BMPR1B: variants seen among roughly 807,000 people sequenced by gnomAD.
The protein encoded by BMPR1B is bone morphogenetic protein receptor type-1B.
Under a neutral mutation model 59.1 loss-of-function variants are expected in BMPR1B, and 12 were observed. The ratio of observed to expected loss-of-function variants is 0.20; its 90% CI spans 0.13 to 0.33. The LOEUF (loss-of-function observed/expected upper bound fraction) is 0.33. BMPR1B is among the 10% of genes least tolerant of loss of function. BMPR1B has a pLI of 1.00. For missense variants in BMPR1B, 550 were observed against 610.9 expected, an observed-to-expected ratio of 0.90 and a Z score of 1.05; for synonymous variants, 237 against 207.3, an observed-to-expected ratio of 1.14 and a Z score of -1.23.
chr4:94,780,682 CTTTTT>C (rs869117575), intron 1 of BMPR1B, among the ~76,000 whole-genome samples: 1 of 82,342 alleles, frequency 1.2e-5, no homozygotes. Flanking sequence ...GTATTATTGT[CTTTTT>C]TTTTTTTTTT....
chr4:94,966,115 T>C (rs1244958916), intron 2 of BMPR1B, among the ~76,000 whole-genome samples: 1 of 152,210 alleles, frequency 6.6e-6, no homozygotes, highest in Non-Finnish European at 1.5e-5. Flanking sequence ...TATGCCATGT[T>C]GTATCTTTCT....
chr4:94,855,160 ATTAT>A (rs1725707145), intron 1 of BMPR1B, among the ~76,000 whole-genome samples: 1 of 152,104 alleles, frequency 6.6e-6, no homozygotes, highest in Non-Finnish European at 1.5e-5. Flanking sequence ...TCATATTGAG[ATTAT>A]TTTATTTTAT....
At chr4:95,143,068 C>T (rs1290263330) in intron 10 of BMPR1B, among the ~76,000 whole-genome samples, 1 of 152,056 alleles carries the variant, frequency 6.6e-6, no homozygotes, top group East Asian at 1.9e-4. Flanking sequence ...TTTCATTCTC[C>T]AACCTGCTCA....
chr4:94,990,437 C>G (rs775894724), intron 2 of BMPR1B, among the ~76,000 whole-genome samples: 1 of 152,128 alleles, frequency 6.6e-6, no homozygotes, highest in Non-Finnish European at 1.5e-5. Context: ...AAAGTGGAAA[C>G]CAACCCAAAT....
At chr4:94,926,026 T>G (rs1728872730) in intron 2 of BMPR1B, among the ~76,000 whole-genome samples, 1 of 126,164 alleles carries the variant, frequency 7.9e-6, no homozygotes, top group African/African-American at 3.1e-5. Flanking sequence ...TTCCCTTTTG[T>G]CCTTTCCTTC....
At chr4:94,951,115 A>G (rs1729917255) in intron 2 of BMPR1B, among the ~76,000 whole-genome samples, 1 of 152,166 alleles carries the variant, frequency 6.6e-6, no homozygotes, top group African/African-American at 2.4e-5. Flanking sequence ...ATTATTGCAT[A>G]TTAATTTTGT....
At chr4:95,088,905 T>C (rs1729782094) in intron 3 of BMPR1B, among the ~76,000 whole-genome samples, 1 of 152,098 alleles carries the variant, frequency 6.6e-6, no homozygotes, top group Non-Finnish European at 1.5e-5. Context: ...ACATAGAAGA[T>C]AGAGGATTCT....
At chr4:94,969,171 A>G (rs761673317) in intron 2 of BMPR1B, among the ~76,000 whole-genome samples, 17 of 151,900 alleles carry the variant, frequency 1.1e-4, no homozygotes, top group Non-Finnish European at 2.4e-4. Context: ...AGTAGCTGGG[A>G]CTACATGTGC....
At chr4:95,100,294 T>C (rs1350378787) in intron 3 of BMPR1B, among the ~76,000 whole-genome samples, 1 of 152,102 alleles carries the variant, frequency 6.6e-6, no homozygotes, top group Non-Finnish European at 1.5e-5. Context: ...ATTAAAATGC[T>C]TTTTTTCCCC....
At chr4:94,893,837 G>T (rs568111059) in intron 2 of BMPR1B, among the ~76,000 whole-genome samples, 1 of 152,146 alleles carries the variant, frequency 6.6e-6, no homozygotes, top group South Asian at 2.1e-4. Flanking sequence ...CTGCGTGGCA[G>T]TGTTTGAAAT....
chr4:94,916,017 G>A (rs968000889), intron 2 of BMPR1B, among the ~76,000 whole-genome samples: 4 of 152,138 alleles, frequency 2.6e-5, no homozygotes, highest in African/African-American at 9.7e-5. Flanking sequence ...TTTGCCATCA[G>A]TAAAAGCTCC....
At chr4:94,764,201 C>T (rs1354353430) in intron 1 of BMPR1B, among the ~76,000 whole-genome samples, 2 of 152,120 alleles carry the variant, frequency 1.3e-5, no homozygotes, top group African/African-American at 2.4e-5. Flanking sequence ...ATGCTGTCTG[C>T]AGGGAAAATA....
At chr4:95,103,430 T>C (rs922414925) in intron 3 of BMPR1B, 1 of 984,644 alleles carries the variant, frequency 1.0e-6, no homozygotes, top group Non-Finnish European at 1.2e-6. Context: ...ATGAGAGAGA[T>C]TTTAAATTGA....
At chr4:95,132,531 C>G (rs931962071) in intron 10 of BMPR1B, among the ~76,000 whole-genome samples, 2 of 152,022 alleles carry the variant, frequency 1.3e-5, no homozygotes, top group African/African-American at 4.8e-5. Flanking sequence ...AAAAACAAAG[C>G]AAGAGGAAAT....
chr4:95,074,400 C>A (rs1728545867), intron 3 of BMPR1B, among the ~76,000 whole-genome samples: 1 of 152,140 alleles, frequency 6.6e-6, no homozygotes, highest in African/African-American at 2.4e-5. Flanking sequence ...AGTTCACATG[C>A]TTTGGCCCTA....
At chr4:95,067,066 C>A (rs1727865914) in intron 3 of BMPR1B, among the ~76,000 whole-genome samples, 2 of 152,070 alleles carry the variant, frequency 1.3e-5, no homozygotes, top group Non-Finnish European at 2.9e-5. Context: ...TTTCTTATTT[C>A]TTTTAATTGA....
At chr4:95,122,216 G>C (rs1732580821) in intron 6 of BMPR1B, among the ~76,000 whole-genome samples, 1 of 151,936 alleles carries the variant, frequency 6.6e-6, no homozygotes, top group Non-Finnish European at 1.5e-5. Context: ...TCGTACCTGT[G>C]ATCTCAACTA....
intron 2 of BMPR1B, among the ~76,000 whole-genome samples, chr4:94,914,894 A>G (rs1000222297): frequency 1.3e-5 from 2 of 152,176 alleles, no homozygotes; most frequent in African/African-American, 4.8e-5. Context: ...AGCTATTGAT[A>G]TGAATGCTAT....
chr4:94,761,928 T>C (rs1216242625), intron 1 of BMPR1B, among the ~76,000 whole-genome samples: 5 of 152,154 alleles, frequency 3.3e-5, no homozygotes, highest in Non-Finnish European at 5.9e-5. Context: ...GATTAAAAAG[T>C]CGCTTATATG....
Sources: gnomAD v4.1 joint callset for allele counts (sites outside exome capture counted in the v4.1 genomes callset) on GRCh38, gnomAD v4.1.1 for gene constraint, MANE v1.5 for transcripts, NCBI Gene and HGNC (gene_info 2026-07-23, HGNC 2026-07-21) for gene names.